Variants in ST6GAL2 observed in about 807,000 individuals in gnomAD.
ST6GAL2 encodes ST6 beta-galactoside alpha-2,6-sialyltransferase 2.
Under a neutral mutation model 37.5 loss-of-function variants are expected in ST6GAL2, and 24 were observed. That is an observed-to-expected ratio of 0.64 (90% confidence interval 0.46 to 0.90). The LOEUF (loss-of-function observed/expected upper bound fraction) is 0.90, where lower values mean the gene tolerates loss of function less well. Ranked by LOEUF, ST6GAL2 falls within the 40% of genes least tolerant of loss-of-function variation. The probability of loss-of-function intolerance (pLI) is 0.00; values close to 1 mark genes in which losing one functional copy is unlikely to be tolerated. For missense variants in ST6GAL2, 715 were observed against 712.7 expected (o/e 1.00, Z -0.04); for synonymous variants, 306 against 295.1 (o/e 1.04, Z -0.38).
intron 5 of ST6GAL2, among the ~76,000 whole-genome samples, chr2:106,808,675 A>G (rs1290830715): frequency 6.6e-6 from 1 of 152,220 alleles, no homozygotes; most frequent in Non-Finnish European, 1.5e-5. Context: ...ACATGAGTGC[A>G]GTGGTCAAAA....
Position 106,843,681 on chromosome 2 carries a change from C to G in ST6GAL2, c.297G>C (p.Trp99Cys), listed in dbSNP as rs779337292. 4.8e-5 allele frequency: 77 copies of G among 1,613,188 alleles called. No individual in the cohort carries two copies. The African/African-American group carries it at 1.0e-3, about 21-fold the overall frequency. Reference sequence around the variant, plus strand: ...GTTCAAACCCATCTTGGGACTGGGCCCATTTCTGCAGGTCTCCAGGCCCCG... The same window carrying G: ...GTTCAAACCCATCTTGGGACTGGGCGCATTTCTGCAGGTCTCCAGGCCCCG... ...FHAGPGDLQK[W>C]AQSQDGFEHK... is the part of the protein sequence containing the mutation. Residue 99 changes from tryptophan (W) to cysteine (C), a missense_variant, in exon 2 of 6, where the codon TGG becomes TGC. Around this residue, in one of 3 missense-constraint regions of ST6GAL2, gnomAD observed 512 missense variants for 488.8 expected, o/e 1.05. Coordinates refer to ENST00000409382, the MANE Select transcript of ST6GAL2 (RefSeq NM_001142351.2).
intron 1 of ST6GAL2, among the ~76,000 whole-genome samples, chr2:106,856,162 A>G (rs17033382): frequency 0.013 from 2,024 of 152,310 alleles, 47 homozygotes; most frequent in African/African-American, 0.045. Flanking sequence ...TAACTCCCAT[A>G]AACAATAGAT....
chr2:106,861,855 C>T (rs1677813250), intron 1 of ST6GAL2, among the ~76,000 whole-genome samples: 1 of 152,124 alleles, frequency 6.6e-6, no homozygotes, highest in Non-Finnish European at 1.5e-5. Context: ...TGGTCTTGAA[C>T]TCCTGACCTC....
At chr2:106,880,793 A>G (rs1433876186) in intron 1 of ST6GAL2, among the ~76,000 whole-genome samples, 2 of 152,206 alleles carry the variant, frequency 1.3e-5, no homozygotes, top group East Asian at 3.9e-4. Flanking sequence ...GTCAATAGCC[A>G]TGAATCCCAA....
chr2:106,869,792 G>C (rs981667789), intron 1 of ST6GAL2, among the ~76,000 whole-genome samples: 1 of 152,194 alleles, frequency 6.6e-6, no homozygotes, highest in Non-Finnish European at 1.5e-5. Flanking sequence ...CCTGTTGGCT[G>C]TTCTCCCTCG....
intron 1 of ST6GAL2, among the ~76,000 whole-genome samples, chr2:106,845,008 T>C (rs976168769): frequency 4.6e-5 from 7 of 152,122 alleles, no homozygotes; most frequent in Non-Finnish European, 1.0e-4. Context: ...AAAGGGAAAA[T>C]AACCTAAGGT....
chr2:106,816,391 T>C (rs1344404604), intron 5 of ST6GAL2, among the ~76,000 whole-genome samples: 3 of 152,188 alleles, frequency 2.0e-5, no homozygotes, highest in African/African-American at 7.2e-5. Flanking sequence ...TCAAAACATA[T>C]TTGCAAAGTT....
chr2:106,822,475 C>T (rs1303876892), intron 5 of ST6GAL2, among the ~76,000 whole-genome samples: 1 of 151,798 alleles, frequency 6.6e-6, no homozygotes, highest in East Asian at 1.9e-4. Flanking sequence ...AATTATAAAA[C>T]ATCCATGAAA....
chr2:106,807,315 C>A (rs1675449094), intron 5 of ST6GAL2, among the ~76,000 whole-genome samples: 1 of 152,134 alleles, frequency 6.6e-6, no homozygotes, highest in Non-Finnish European at 1.5e-5. Context: ...ATACACATGT[C>A]CCATCTGGTT....
At chr2:106,874,333 G>C (rs1372413197) in intron 1 of ST6GAL2, among the ~76,000 whole-genome samples, 1 of 152,100 alleles carries the variant, frequency 6.6e-6, no homozygotes, top group Non-Finnish European at 1.5e-5. Flanking sequence ...GAAGGAGAGG[G>C]AAGGAACCAA....
At chr2:106,831,606 C>T (rs2104471763) in intron 4 of ST6GAL2, among the ~76,000 whole-genome samples, 1 of 152,256 alleles carries the variant, frequency 6.6e-6, no homozygotes, top group South Asian at 2.1e-4. Context: ...GGAGATGGGG[C>T]TCTGACAGAT....
chr2:106,843,426 G>A lies in ST6GAL2; in HGVS notation c.552C>T (p.His184=), dbSNP rs185101731. ...CGCCGTCGTCGCCCTCCTCCAACAC[G>A]TGGCTCCTTCTCTGCCTCCGGTGCC... ...KKRHRRQRRS[H]VLEEGDDGDR... is the part of the protein sequence containing the mutation. The change falls in exon 2 of 6, where the codon CAC becomes CAT. Residue 184 remains histidine (H), a synonymous_variant. Coordinates refer to ENST00000409382, the MANE Select transcript of ST6GAL2 (RefSeq NM_001142351.2). The A allele has an allele frequency of 1.9e-6, 3 of 1,614,070 alleles. No individual in the cohort carries two copies. Among genetic ancestry groups the A allele is most frequent in the Non-Finnish European group, 2.5e-6 (3 of 1,180,004 alleles).
chr2:106,876,475 C>T (rs1678506582), intron 1 of ST6GAL2, among the ~76,000 whole-genome samples: 1 of 152,020 alleles, frequency 6.6e-6, no homozygotes, highest in Non-Finnish European at 1.5e-5. Flanking sequence ...TTAACTTTAC[C>T]TTATTTTTTA....
At chr2:106,870,787 A>G (rs1026840453) in intron 1 of ST6GAL2, among the ~76,000 whole-genome samples, 5 of 152,138 alleles carry the variant, frequency 3.3e-5, no homozygotes, top group Non-Finnish European at 2.9e-5. Context: ...CAGGACAACA[A>G]TATAATTAAA....
At chr2:106,861,223 G>A (rs1302950104) in intron 1 of ST6GAL2, among the ~76,000 whole-genome samples, 1 of 152,122 alleles carries the variant, frequency 6.6e-6, no homozygotes, top group Non-Finnish European at 1.5e-5. Flanking sequence ...CAAAGCCTGA[G>A]GAATTCTGCT....
chr2:106,877,878 G>A (rs1678572730), intron 1 of ST6GAL2, among the ~76,000 whole-genome samples: 1 of 152,226 alleles, frequency 6.6e-6, no homozygotes, highest in Non-Finnish European at 1.5e-5. Context: ...TCAGTTCAGT[G>A]AGGAACAGTT....
chr2:106,874,317 C>T (rs1386134426), intron 1 of ST6GAL2, among the ~76,000 whole-genome samples: 2 of 151,802 alleles, frequency 1.3e-5, no homozygotes, highest in South Asian at 2.1e-4. Flanking sequence ...GGTTGGGAGG[C>T]GGGCAGAAGG....
chr2:106,845,915 C>A (rs1677124966), intron 1 of ST6GAL2, among the ~76,000 whole-genome samples: 1 of 152,196 alleles, frequency 6.6e-6, no homozygotes. Context: ...GACATTCACT[C>A]TGGGGGAAGC....
intron 1 of ST6GAL2, among the ~76,000 whole-genome samples, chr2:106,867,047 A>C (rs1237977876): frequency 6.6e-6 from 1 of 152,226 alleles, no homozygotes; most frequent in Non-Finnish European, 1.5e-5. Flanking sequence ...TGACAATTCA[A>C]GAGGCAAGGA....
Sources: gnomAD v4.1 joint callset for allele counts (sites outside exome capture counted in the v4.1 genomes callset) on GRCh38, gnomAD v4.1.1 for gene constraint, gnomAD v4.1.1 regional missense constraint, MANE v1.5 for transcripts, NCBI Gene and HGNC (gene_info 2026-07-23, HGNC 2026-07-21) for gene names.